RBFOX1: variants seen among roughly 807,000 people sequenced by gnomAD.
RBFOX1 encodes the protein RNA binding protein fox-1 homolog 1.
A neutral mutation model predicts 57.7 loss-of-function variants in RBFOX1; 8 were observed. The observed-to-expected ratio is 0.14, with a 90% CI of 0.08 to 0.25. RBFOX1 has a LOEUF of 0.25. RBFOX1 is among the 10% of genes least tolerant of loss of function. RBFOX1 has a pLI of 1.00. For missense variants in RBFOX1, 611 were observed against 548.5 expected (o/e 1.11, Z -1.14); for synonymous variants, 326 against 222.4 (o/e 1.47, Z -4.15).
At chr16:7,203,544 G>T (rs1294512676) in intron 4 of RBFOX1, among the ~76,000 whole-genome samples, 2 of 152,216 alleles carry the variant, frequency 1.3e-5, no homozygotes, top group Non-Finnish European at 2.9e-5. Context: ...CTTTTATGTT[G>T]TATTTGTGTT....
chr16:6,194,118 A>G (rs2097164689), intron 1 of RBFOX1, among the ~76,000 whole-genome samples: 2 of 152,110 alleles, frequency 1.3e-5, no homozygotes, highest in African/African-American at 4.8e-5. Flanking sequence ...ATCATTTCAT[A>G]CCGTTCCTTC....
chr16:6,426,611 A>G (rs1168296397), intron 2 of RBFOX1, among the ~76,000 whole-genome samples: 1 of 152,096 alleles, frequency 6.6e-6, no homozygotes, highest in Non-Finnish European at 1.5e-5. Context: ...AGCCTGGGCA[A>G]CAGAACGACA....
intron 4 of RBFOX1, among the ~76,000 whole-genome samples, chr16:7,077,837 C>G (rs1210264937): frequency 6.6e-6 from 1 of 152,128 alleles, no homozygotes; most frequent in Non-Finnish European, 1.5e-5. Context: ...GTGCTTCCAG[C>G]TACAACCAAT....
At chr16:6,117,477 G>C (rs773261036) in intron 1 of RBFOX1, among the ~76,000 whole-genome samples, 1 of 152,244 alleles carries the variant, frequency 6.6e-6, no homozygotes, top group Non-Finnish European at 1.5e-5. Flanking sequence ...GGATTAAGAG[G>C]TGTGGCCATT....
chr16:6,872,222 A>C lies in RBFOX1; in HGVS notation c.-15-179835A>C, dbSNP rs534453012. On this transcript the variant is annotated intron_variant, in intron 3 of 15. Transcript: ENST00000550418. ...CTCAGCACCTAGCATGGAGACCAGC[A>C]CATAGTAGAGATTTAATAATTGTTG... 2.0e-5 allele frequency among the ~76,000 whole-genome samples: 3 copies of C among 152,292 alleles called. No homozygotes were observed. In the South Asian group the frequency reaches 6.2e-4, roughly 32 times the overall value.
At position 6,008,400 on chromosome 16, in the gene RBFOX1, A is replaced by G. The variant is rs1229600358; in HGVS notation, c.351+141065A>G. On this transcript the variant is annotated intron_variant, in intron 4 of 19. Coordinates refer to the RBFOX1 transcript ENST00000641259. ...ATCCAGGAATGCACATGGGCACGGC[A>G]TGAAGAAGATACTAAGACAGTAGCT... 2.0e-5 allele frequency among the ~76,000 whole-genome samples: 3 copies of G among 152,290 alleles called. No individual in the cohort carries two copies. In the East Asian group the frequency reaches 5.8e-4, roughly 29 times the overall value.
chr16:7,331,992 A>G (rs1009594749), intron 4 of RBFOX1, among the ~76,000 whole-genome samples: 5 of 152,186 alleles, frequency 3.3e-5, no homozygotes. Flanking sequence ...AACTCTGAGA[A>G]CAAGAAGACA....
intron 4 of RBFOX1, among the ~76,000 whole-genome samples, chr16:7,393,536 T>G (rs1290659780): frequency 6.6e-6 from 1 of 152,100 alleles, no homozygotes; most frequent in East Asian, 1.9e-4. Context: ...TGGGTGCAAG[T>G]GGTGAATTGA....
intron 4 of RBFOX1, among the ~76,000 whole-genome samples, chr16:7,180,606 G>C (rs1376965727): frequency 6.6e-6 from 1 of 151,964 alleles, no homozygotes; most frequent in African/African-American, 2.4e-5. Context: ...TTCTGTAAAA[G>C]GTGAGATGGT....
At chr16:7,009,853 C>T (rs187143500) in intron 3 of RBFOX1, among the ~76,000 whole-genome samples, 8 of 152,216 alleles carry the variant, frequency 5.3e-5, no homozygotes, top group East Asian at 1.9e-4. Flanking sequence ...AAGCAAACTA[C>T]GAATATTAAA....
At chr16:5,463,414 GA>G (rs2151600718) in intron 1 of RBFOX1, among the ~76,000 whole-genome samples, 1 of 152,214 alleles carries the variant, frequency 6.6e-6, no homozygotes, top group African/African-American at 2.4e-5. Context: ...AGCAATACTA[GA>G]TTTTGAGTTT....
At chr16:5,814,385 C>G (rs367670530) in intron 3 of RBFOX1, among the ~76,000 whole-genome samples, 1 of 152,208 alleles carries the variant, frequency 6.6e-6, no homozygotes, top group South Asian at 2.1e-4. Flanking sequence ...CAAATCCAAG[C>G]TTCACCAACT....
rs772354139 is a variant in RBFOX1, at chr16:7,653,795, T to TCC, written c.758-19_758-18insCC. ...TCTGACAGCCTGTGCTCTCTCTCTCTCTCTCCTCTTGCCCCGCAGTGCCAG... is the reference window on the plus strand; with the variant it reads ...TCTGACAGCCTGTGCTCTCTCTCTCTCCCTCTCCTCTTGCCCCGCAGTGCCAG... On this transcript the variant is annotated intron_variant, in intron 11 of 15. Transcript: ENST00000550418. 6.2e-7 allele frequency: 1 copy of TCC among 1,607,580 alleles called. No homozygotes were observed. Among genetic ancestry groups the TCC allele is most frequent in the Non-Finnish European group, 8.5e-7 (1 of 1,179,426 alleles).
intron 2 of RBFOX1, among the ~76,000 whole-genome samples, chr16:6,415,493 G>C (rs559384645): frequency 6.6e-6 from 1 of 151,920 alleles, no homozygotes; most frequent in African/African-American, 2.4e-5. Context: ...ACGAGGTTAG[G>C]AGTATGAGAC....
intron 4 of RBFOX1, among the ~76,000 whole-genome samples, chr16:6,012,390 T>C (rs1022162354): frequency 6.6e-6 from 1 of 152,198 alleles, no homozygotes; most frequent in African/African-American, 2.4e-5. Context: ...GTGAGGATGC[T>C]TTAGAACAGT....
At chr16:5,808,438 T>G (rs1394807075) in intron 3 of RBFOX1, among the ~76,000 whole-genome samples, 4 of 152,216 alleles carry the variant, frequency 2.6e-5, no homozygotes, top group African/African-American at 4.8e-5. Context: ...TAAAGTAGTT[T>G]TTTCCAATTC....
chr16:6,211,227 A>ATTTTTTTTTTT, intron 1 of RBFOX1, among the ~76,000 whole-genome samples: 1 of 105,248 alleles, frequency 9.5e-6, no homozygotes, highest in Non-Finnish European at 2.1e-5. Context: ...AATCTAGTTA[A>ATTTTTTTTTTT]CTTTTTTTTT....
At chr16:5,536,095 GCC>G in intron 2 of RBFOX1, among the ~76,000 whole-genome samples, 1 of 48,268 alleles carries the variant, frequency 2.1e-5, no homozygotes, top group South Asian at 9.6e-4. Context: ...AAGTCATCAA[GCC>G]CCCCCCCCCT....
chr16:6,362,621 A>C (rs2088789288), intron 2 of RBFOX1, among the ~76,000 whole-genome samples: 3 of 152,318 alleles, frequency 2.0e-5, no homozygotes, highest in Middle Eastern at 3.4e-3. Context: ...GGCAGAGTAA[A>C]TGGATGGCTT....
Sources: allele counts gnomAD v4.1 joint callset (sites outside exome capture counted in the v4.1 genomes callset), GRCh38; gene constraint gnomAD v4.1.1; transcripts MANE v1.5; gene names NCBI Gene and HGNC (gene_info 2026-07-23, HGNC 2026-07-21).